The following ULK4 variants were observed in gnomAD, a reference collection of about 807,000 sequenced individuals.
ULK4 encodes unc-51 like kinase 4.
In ULK4, 133 loss-of-function variants were observed where a neutral mutation model predicts 160.6. The observed-to-expected ratio is 0.83, with a 90% CI of 0.72 to 0.96. ULK4 has a LOEUF of 0.96. Among genes scored for constraint, ULK4 ranks in the 40% least tolerant of loss-of-function variants. The pLI is 0.00. For synonymous variants in ULK4, 534 were observed against 539.8 expected (o/e 0.99, Z 0.15); for missense variants, 1,580 against 1,499.5 (o/e 1.05, Z -0.89).
rs1307249096 is a variant in ULK4 at position 41,784,998 on chromosome 3, G to A, written c.2193+4663C>T. 4.6e-5 allele frequency among the ~76,000 whole-genome samples: 7 copies of A among 152,224 alleles called. No homozygotes were observed. The South Asian group carries it at 1.2e-3, about 27-fold the overall frequency. On this transcript the variant is annotated intron_variant, in intron 21 of 36. Transcript: ENST00000301831. Reference sequence around the variant, plus strand: ...GAAAAATACAGCATGTGGCTTAAACGACTGCTGGATAAATTACAAATAAAT... The same window carrying A: ...GAAAAATACAGCATGTGGCTTAAACAACTGCTGGATAAATTACAAATAAAT...
chr3:41,774,226 T>C (rs1575685355), intron 21 of ULK4, among the ~76,000 whole-genome samples: 2 of 151,388 alleles, frequency 1.3e-5, no homozygotes, highest in African/African-American at 4.9e-5. Flanking sequence ...ACAAATGGGA[T>C]CTAATTAAAC....
intron 22 of ULK4, among the ~76,000 whole-genome samples, chr3:41,747,619 T>C (rs556403471): frequency 1.3e-5 from 2 of 152,216 alleles, no homozygotes; most frequent in South Asian, 2.1e-4. Flanking sequence ...AGGTGTGTGT[T>C]TGGAGATAAG....
chr3:41,381,068 T>C (rs1170275594), intron 35 of ULK4, among the ~76,000 whole-genome samples: 2 of 152,140 alleles, frequency 1.3e-5, no homozygotes, highest in Non-Finnish European at 1.5e-5. Flanking sequence ...GAGAACACCT[T>C]CTACTCTTAC....
chr3:41,652,201 G>A (rs9311286), intron 30 of ULK4, among the ~76,000 whole-genome samples: 17,108 of 152,080 alleles, frequency 0.11, 1,095 homozygotes, highest in South Asian at 0.16. Flanking sequence ...AAGAAAATAA[G>A]CAGAAATATT....
At chr3:41,826,286 A>G (rs1234092430) in intron 18 of ULK4, among the ~76,000 whole-genome samples, 4 of 152,208 alleles carry the variant, frequency 2.6e-5, no homozygotes, top group Non-Finnish European at 5.9e-5. Context: ...TCATAATGAC[A>G]GGATCAAATT....
At chr3:41,425,842 C>T (rs144282473) in intron 34 of ULK4, among the ~76,000 whole-genome samples, 4,059 of 152,252 alleles carry the variant, frequency 0.027, 110 homozygotes, top group Non-Finnish European at 0.036. Flanking sequence ...AGTACAAAGA[C>T]CAATGACACT....
chr3:41,597,616 G>A (rs2031782800), intron 31 of ULK4, among the ~76,000 whole-genome samples: 1 of 152,156 alleles, frequency 6.6e-6, no homozygotes, highest in Non-Finnish European at 1.5e-5. Flanking sequence ...CAGAGAGTGA[G>A]TGTGAGTACT....
chr3:41,544,155 G>A (rs1476541588), intron 32 of ULK4, among the ~76,000 whole-genome samples: 2 of 151,888 alleles, frequency 1.3e-5, no homozygotes, highest in Non-Finnish European at 2.9e-5. Flanking sequence ...TGTCAACACT[G>A]GAAATCAGAC....
intron 16 of ULK4, among the ~76,000 whole-genome samples, chr3:41,888,236 T>C (rs1697798146): frequency 1.3e-5 from 2 of 152,328 alleles, no homozygotes; most frequent in African/African-American, 2.4e-5. Context: ...AGACATTCTC[T>C]GTCTTTAATG....
intron 30 of ULK4, among the ~76,000 whole-genome samples, chr3:41,626,597 C>T (rs1172644416): frequency 6.7e-6 from 1 of 150,360 alleles, no homozygotes; most frequent in Admixed American, 6.6e-5. Flanking sequence ...GCAATCTCAG[C>T]TCACTGCAAG....
intron 32 of ULK4, among the ~76,000 whole-genome samples, chr3:41,553,759 T>G (rs948427861): frequency 1.9e-4 from 28 of 149,494 alleles, no homozygotes; most frequent in Non-Finnish European, 2.7e-4. Flanking sequence ...AGGCATGCAA[T>G]GCATAATAAC....
intron 22 of ULK4, among the ~76,000 whole-genome samples, chr3:41,743,242 T>C (rs2038301214): frequency 6.6e-6 from 1 of 151,186 alleles, no homozygotes; most frequent in South Asian, 2.1e-4. Flanking sequence ...ACATTACTTA[T>C]AAAGGAATAC....
chr3:41,644,940 G>A (rs2034411241), intron 30 of ULK4, among the ~76,000 whole-genome samples: 1 of 152,116 alleles, frequency 6.6e-6, no homozygotes, highest in Admixed American at 6.5e-5. Flanking sequence ...ATGTGTCGAG[G>A]AATTTATCCA....
chr3:41,777,887 G>A (rs1332824277), intron 21 of ULK4, among the ~76,000 whole-genome samples: 6 of 143,234 alleles, frequency 4.2e-5, no homozygotes, highest in African/African-American at 1.3e-4. Context: ...TACTGAATGG[G>A]CAAAAACTGG....
intron 20 of ULK4, among the ~76,000 whole-genome samples, chr3:41,791,894 C>G (rs561414036): frequency 6.6e-6 from 1 of 152,252 alleles, no homozygotes; most frequent in South Asian, 2.1e-4. Context: ...TCTACAAACA[C>G]CTACAGAATT....
In ULK4 at chr3:41,841,107, G is replaced by C. The variant is rs547565106; in HGVS notation, c.1657-5136C>G. On this transcript the variant is annotated intron_variant, in intron 17 of 36. Transcript: ENST00000301831. ...AAGCGCCTCTGCCCAGCCGCCACCC[G>C]TCTGGGAGGTGAGGAGCGCCTCTGC... Among the ~76,000 whole-genome samples the C allele has an allele frequency of 3.8e-3, 526 of 138,246 alleles. 3 individuals carry two copies. Among genetic ancestry groups the C allele is most frequent in the African/African-American group, 0.014 (494 of 34,896 alleles). 90.7% of individuals were successfully genotyped at this position (138,246 alleles called of 152,430 possible). A position where few individuals can be genotyped will look rare whatever the true frequency, so the allele number is the denominator to read the frequency against.
At chr3:41,480,853 G>T (rs371208623) in intron 32 of ULK4, among the ~76,000 whole-genome samples, 1 of 152,048 alleles carries the variant, frequency 6.6e-6, no homozygotes. Context: ...CAGAGTGAAG[G>T]GGGTAAGGCC....
chr3:41,645,105 C>T (rs566884128), intron 30 of ULK4, among the ~76,000 whole-genome samples: 13 of 151,630 alleles, frequency 8.6e-5, no homozygotes, highest in African/African-American at 3.1e-4. Flanking sequence ...TTAGTCTTGC[C>T]AGGGGTCTAT....
At chr3:41,501,191 GT>G (rs2085191648) in intron 32 of ULK4, among the ~76,000 whole-genome samples, 2 of 107,632 alleles carry the variant, frequency 1.9e-5, no homozygotes, top group African/African-American at 6.1e-5. Flanking sequence ...AAAACAGTCA[GT>G]TTTTAAAAAA....
Sources: allele counts gnomAD v4.1 joint callset (sites outside exome capture counted in the v4.1 genomes callset), GRCh38; gene constraint gnomAD v4.1.1; transcripts MANE v1.5; gene names NCBI Gene and HGNC (gene_info 2026-07-23, HGNC 2026-07-21).